SCHIP1: variants seen among roughly 807,000 people sequenced by gnomAD.
SCHIP1 encodes the protein schwannomin interacting protein 1, also known as schwannomin-interacting protein 1.
In SCHIP1, 8 loss-of-function variants were observed where a neutral mutation model predicts 29.7. The observed-to-expected ratio is 0.27, with a 90% CI of 0.16 to 0.49. The LOEUF (loss-of-function observed/expected upper bound fraction) is 0.49, where lower values mean the gene tolerates loss of function less well. Among genes scored for constraint, SCHIP1 ranks in the 20% least tolerant of loss-of-function variants. The pLI, the probability that SCHIP1 is intolerant of heterozygous loss-of-function variation, is 0.99. For synonymous variants in SCHIP1, 76 were observed against 94.9 expected, an observed-to-expected ratio of 0.80 and a Z score of 1.16; for missense variants, 193 against 294.6, an observed-to-expected ratio of 0.66 and a Z score of 2.52.
the SCHIP1 span, among the ~76,000 whole-genome samples, chr3:159,394,942 G>T: frequency 2.2e-4 from 34 of 152,166 alleles, no homozygotes; most frequent in East Asian, 3.5e-3. Flanking sequence ...ATCCGTCTGG[G>T]CCTGGACTCT....
chr3:159,787,622 C>A, the SCHIP1 span, among the ~76,000 whole-genome samples: 1 of 152,208 alleles, frequency 6.6e-6, no homozygotes, highest in Non-Finnish European at 1.5e-5. Flanking sequence ...CATTCGCCTA[C>A]TTAAACCTCA....
chr3:159,341,861 T>G, the SCHIP1 span, among the ~76,000 whole-genome samples: 1 of 152,174 alleles, frequency 6.6e-6, no homozygotes, highest in Non-Finnish European at 1.5e-5. Flanking sequence ...TTCCATTAGT[T>G]TCACCTAAAA....
the SCHIP1 span, among the ~76,000 whole-genome samples, chr3:159,585,101 C>T: frequency 3.0e-5 from 4 of 133,958 alleles, no homozygotes; most frequent in Admixed American, 2.7e-4. Context: ...TTCTGACCCT[C>T]TCTTTCCTGC....
chr3:159,625,474 A>G, the SCHIP1 span, among the ~76,000 whole-genome samples: 7 of 152,166 alleles, frequency 4.6e-5, no homozygotes, highest in Admixed American at 3.9e-4. Flanking sequence ...AAGTAACAGC[A>G]TTGTTCTGTC....
chr3:159,535,623 A>G, the SCHIP1 span, among the ~76,000 whole-genome samples: 2 of 152,208 alleles, frequency 1.3e-5, no homozygotes, highest in Admixed American at 6.5e-5. Flanking sequence ...CCTGTGGGTA[A>G]TAGAGTAAAG....
At chr3:159,864,835 G>A (rs1714451164) in intron 1 of SCHIP1, among the ~76,000 whole-genome samples, 1 of 152,176 alleles carries the variant, frequency 6.6e-6, no homozygotes, top group African/African-American at 2.4e-5. Flanking sequence ...GTATCCACTA[G>A]CCACCTGTGA....
chr3:159,883,302 A>G (rs938011061), intron 2 of SCHIP1, among the ~76,000 whole-genome samples: 1 of 152,068 alleles, frequency 6.6e-6, no homozygotes, highest in African/African-American at 2.4e-5. Context: ...TAAATTAGGC[A>G]CCCTGCAGCC....
the SCHIP1 span, among the ~76,000 whole-genome samples, chr3:159,336,525 G>A: frequency 6.6e-6 from 1 of 152,130 alleles, no homozygotes; most frequent in South Asian, 2.1e-4. Context: ...TTTGTATAAG[G>A]TGTAAGGAAG....
Position 159,882,253 on chromosome 3 carries a change from T to TA in SCHIP1, c.150-3953dup, listed in dbSNP as rs144915816. Reference sequence around the variant, plus strand: ...ATCTTGCCTGTAATCCACAGGTGATTATACAGCCCCGGGAGAGAATGTAAG... The same window carrying TA: ...ATCTTGCCTGTAATCCACAGGTGATTAATACAGCCCCGGGAGAGAATGTAAG... On this transcript the variant is annotated intron_variant, in intron 2 of 6. Coordinates refer to ENST00000445224, the Ensembl canonical transcript of SCHIP1. Among the ~76,000 whole-genome samples the TA allele has an allele frequency of 1.7e-3, 261 of 152,348 alleles. 3 individuals are homozygous for TA. The East Asian group carries it at 0.035, about 20-fold the overall frequency.
At chr3:159,650,933 T>A in the SCHIP1 span, among the ~76,000 whole-genome samples, 3 of 152,316 alleles carry the variant, frequency 2.0e-5, no homozygotes, top group South Asian at 4.1e-4. Flanking sequence ...AGAACTACCA[T>A]TTGAATGTTG....
the SCHIP1 span, among the ~76,000 whole-genome samples, chr3:159,796,831 T>C: frequency 6.6e-6 from 1 of 152,148 alleles, no homozygotes; most frequent in Admixed American, 6.5e-5. Flanking sequence ...ACTAAAACCA[T>C]ATACTCTGTA....
At chr3:159,886,150 C>T in intron 2 of SCHIP1, 57 bp from the exon 4 acceptor site, 1 of 1,596,104 alleles carries the variant, frequency 6.3e-7, no homozygotes, top group Non-Finnish European at 8.6e-7. Flanking sequence ...GTTCTATTGG[C>T]TGAAGCCAAA....
At chr3:159,432,865 T>A in the SCHIP1 span, among the ~76,000 whole-genome samples, 1 of 152,162 alleles carries the variant, frequency 6.6e-6, no homozygotes, top group African/African-American at 2.4e-5. Flanking sequence ...TCTTTGCAGA[T>A]TTCCTCAGTG....
At chr3:159,389,437 G>A in the SCHIP1 span, among the ~76,000 whole-genome samples, 1 of 151,998 alleles carries the variant, frequency 6.6e-6, no homozygotes, top group African/African-American at 2.4e-5. Context: ...CATCTACATA[G>A]GGGGAATAAG....
At chr3:159,340,083 G>T in the SCHIP1 span, among the ~76,000 whole-genome samples, 1 of 152,054 alleles carries the variant, frequency 6.6e-6, no homozygotes, top group African/African-American at 2.4e-5. Context: ...TCAGTTGCTA[G>T]ATCATTAAAT....
At chr3:159,447,363 A>C in the SCHIP1 span, among the ~76,000 whole-genome samples, 1 of 152,204 alleles carries the variant, frequency 6.6e-6, no homozygotes, top group Non-Finnish European at 1.5e-5. Flanking sequence ...GGCCTTCAGG[A>C]GCCAGTAAAA....
chr3:159,659,842 G>A, the SCHIP1 span, among the ~76,000 whole-genome samples: 14 of 152,090 alleles, frequency 9.2e-5, no homozygotes, highest in Non-Finnish European at 1.8e-4. Flanking sequence ...ATAAGACACC[G>A]ATTTTTTTCC....
the SCHIP1 span, among the ~76,000 whole-genome samples, chr3:159,407,133 T>C: frequency 2.3e-4 from 35 of 152,258 alleles, no homozygotes; most frequent in South Asian, 7.2e-3. Context: ...ATTAACTCTC[T>C]GTTGCCTACA....
the SCHIP1 span, among the ~76,000 whole-genome samples, chr3:159,377,458 G>A: frequency 1.6e-4 from 25 of 152,292 alleles, 1 homozygote; most frequent in African/African-American, 1.7e-4. Flanking sequence ...TGTCCCGCAC[G>A]TGGAAAATAA....
Sources: allele counts gnomAD v4.1 joint callset (sites outside exome capture counted in the v4.1 genomes callset), GRCh38; gene constraint gnomAD v4.1.1; transcripts MANE v1.5; gene names NCBI Gene and HGNC (gene_info 2026-07-23, HGNC 2026-07-21).